Variants in SMYD4 observed in about 807,000 individuals in gnomAD.
SMYD4 encodes SET and MYND domain containing 4.
SMYD4 carries 68 observed loss-of-function variants against 72.8 expected under a neutral mutation model. The ratio of observed to expected loss-of-function variants is 0.93; its 90% confidence interval spans 0.77 to 1.14. SMYD4 has a LOEUF of 1.14. SMYD4 is among the 50% of genes most tolerant of loss of function. The pLI is 0.00. For synonymous variants in SMYD4, 407 were observed against 388.6 expected (o/e 1.05, Z -0.56); for missense variants, 984 against 1,003.7 (o/e 0.98, Z 0.27).
chr17:1,800,889 G>T lies in SMYD4; in HGVS notation c.505C>A (p.Leu169Ile). ...LQEASQTISDLERNFTATPAL... is the reference protein window; with the variant it reads ...LQEASQTISDIERNFTATPAL... ...GGTGTGGCTGTGAAGTTCCTTTCAA[G>T]ATCACTGATGGTCTGGCTTGCCTCC... The change falls in exon 5 of 11, where the codon CTT becomes ATT. Residue 169 changes from leucine (L) to isoleucine (I), a missense_variant. By Grantham distance (5) the Leu-to-Ile change is conservative. Coordinates refer to ENST00000305513, the MANE Select transcript of SMYD4 (RefSeq NM_052928.3). 1 of 1,614,172 alleles carries T rather than the reference G, an allele frequency of 6.2e-7. No homozygotes were observed. The highest frequency in any genetic ancestry group is 8.5e-7 in the Non-Finnish European group (1 of 1,180,034).
intron 9 of SMYD4, 75 bp downstream of exon 9, chr17:1,783,285 A>G: frequency 6.2e-7 from 1 of 1,610,504 alleles, no homozygotes; most frequent in South Asian, 1.1e-5. Flanking sequence ...GTAACCAGGC[A>G]GACAAGGCCG....
intron 4 of SMYD4, among the ~76,000 whole-genome samples, chr17:1,803,614 C>G (rs923685345): frequency 6.6e-6 from 1 of 152,302 alleles, no homozygotes; most frequent in African/African-American, 2.4e-5. Flanking sequence ...ATTCTCCTGC[C>G]TCAGCCTCCT....
In SMYD4 at chr17:1,812,051, C is replaced by T. The variant is rs146451572; in HGVS notation, c.199G>A (p.Ala67Thr). The T allele has an allele frequency of 4.3e-6, 7 of 1,613,948 alleles. No homozygotes were observed. The highest frequency in any genetic ancestry group is 1.3e-5 in the African/African-American group (1 of 74,894). ...CCTTCTTCTCTGTAGAAAAGAGGAG[C>T]GTCCGAGTCCTTTCCCACCAAGTAA... ...KGYLVGKDSD[A>T]PLFYREEGNK... Residue 67 changes from alanine (A) to threonine (T), a missense_variant, in exon 3 of 11, where the codon GCT becomes ACT. Transcript: ENST00000305513.
chr17:1,820,583 C>T (rs189359263), intron 2 of SMYD4, among the ~76,000 whole-genome samples: 1 of 152,182 alleles, frequency 6.6e-6, no homozygotes, highest in East Asian at 1.9e-4. Flanking sequence ...TCTTCGAGCA[C>T]GTCCTTGTTT....
At chr17:1,815,620 T>C (rs1242023520) in intron 2 of SMYD4, among the ~76,000 whole-genome samples, 4 of 147,390 alleles carry the variant, frequency 2.7e-5, no homozygotes, top group Non-Finnish European at 5.9e-5. Flanking sequence ...ATCACACCAC[T>C]GCACTCCAGC....
Position 1,800,869 on chromosome 17 carries a change from G to A in SMYD4, c.525C>T (p.Ala175=), listed in dbSNP as rs1204726288. 6.2e-7 allele frequency: 1 copy of A among 1,614,186 alleles called. No homozygotes were observed. The highest frequency in any genetic ancestry group is 8.5e-7 in the Non-Finnish European group (1 of 1,180,030). The change falls in exon 5 of 11, where the codon GCC becomes GCT. Residue 175 remains alanine, a synonymous_variant. Coordinates refer to ENST00000305513, the MANE Select transcript of SMYD4 (RefSeq NM_052928.3). ...TISDLERNFT[A]TPALADVLPQ... ...GGAGGACATCTGCTAGGGCTGGTGTGGCTGTGAAGTTCCTTTCAAGATCAC... is the reference window on the plus strand; with the variant it reads ...GGAGGACATCTGCTAGGGCTGGTGTAGCTGTGAAGTTCCTTTCAAGATCAC...
rs963213315 is a variant in SMYD4, at chr17:1,799,373, A to AT, written c.1537+483dup. Reference sequence around the variant, plus strand: ...AACTGAGGCAGAACGGAATCAAATAATTTTTTTTTTTTTTGAGATGGAGTC... The same window carrying AT: ...AACTGAGGCAGAACGGAATCAAATAATTTTTTTTTTTTTTTGAGATGGAGTC... On this transcript the variant is annotated intron_variant, in intron 5 of 10. Transcript: ENST00000305513. Among the ~76,000 whole-genome samples, 482 of 145,710 alleles carry AT rather than the reference A, an allele frequency of 3.3e-3. 3 individuals are homozygous for AT. Among genetic ancestry groups the AT allele is most frequent in the South Asian group, 7.4e-3 (34 of 4,564 alleles).
chr17:1,787,424 T>C lies in SMYD4; in HGVS notation c.1718A>G (p.Tyr573Cys), dbSNP rs1021387217. The C allele has an allele frequency of 7.7e-6, 12 of 1,555,182 alleles. No homozygotes were observed. Among genetic ancestry groups the C allele is most frequent in the African/African-American group, 2.7e-5 (2 of 73,444 alleles). Residue 573 changes from tyrosine to cysteine, a missense_variant and splice_region_variant, in exon 6 of 11, where the codon TAT becomes TGT. Tyr to Cys is a radical substitution (Grantham distance 194). Coordinates refer to ENST00000305513, the MANE Select transcript of SMYD4 (RefSeq NM_052928.3). ...IRKGQEILHCYGPHKSRMGVA... is the reference protein window; with the variant it reads ...IRKGQEILHCCGPHKSRMGVA... ...GGCAGTGCGGAGGGATGGCTCACCATAGCAGTGGAGAATCTCTTGCCCCTT... is the reference window on the plus strand; with the variant it reads ...GGCAGTGCGGAGGGATGGCTCACCACAGCAGTGGAGAATCTCTTGCCCCTT...
chr17:1,821,663 G>A (rs1275631419), intron 2 of SMYD4, among the ~76,000 whole-genome samples: 2 of 152,166 alleles, frequency 1.3e-5, no homozygotes, highest in African/African-American at 2.4e-5. Flanking sequence ...GGGCACAGTG[G>A]CTCACACCTG....
rs554241514 is a variant in SMYD4, at chr17:1,785,226, A to T, written c.1885-765T>A. Among the ~76,000 whole-genome samples, 50 of 144,072 alleles carry T rather than the reference A, an allele frequency of 3.5e-4. No individual in the cohort carries two copies. In the South Asian group the frequency reaches 8.2e-3, roughly 24 times the overall value. The allele number at this position is 144,072 out of a possible 152,430, so 94.5% of individuals were successfully genotyped here. On this transcript the variant is annotated intron_variant, in intron 7 of 10. Coordinates refer to ENST00000305513, the MANE Select transcript of SMYD4 (RefSeq NM_052928.3). Reference sequence around the variant, plus strand: ...TCCATGAGGTCAGGAGATCGAGACCATCCTGGCTAACACGGTGAAACCCCG... The same window carrying T: ...TCCATGAGGTCAGGAGATCGAGACCTTCCTGGCTAACACGGTGAAACCCCG...
chr17:1,803,159 C>T (rs1350173076), intron 4 of SMYD4, among the ~76,000 whole-genome samples: 1 of 152,098 alleles, frequency 6.6e-6, no homozygotes, highest in Non-Finnish European at 1.5e-5. Context: ...CAAAACAAAA[C>T]AAAACAAAAA....
At chr17:1,786,680 G>T in intron 7 of SMYD4, 130 bp downstream of exon 7, 1 of 1,075,814 alleles carries the variant, frequency 9.3e-7, no homozygotes, top group South Asian at 1.5e-5. Flanking sequence ...GGGATGACTG[G>T]CTAAAATGGA....
chr17:1,800,081 T>A lies in SMYD4; in HGVS notation c.1313A>T (p.Glu438Val). 1 of 1,612,018 alleles carries A rather than the reference T, an allele frequency of 6.2e-7. No homozygotes were observed. Among genetic ancestry groups the A allele is most frequent in the South Asian group, 1.1e-5 (1 of 90,882 alleles). ...ACAGAGAGCACAGAGGAATTTGTGC[T>A]CTGGGCTATGGTTTTCAGTGTGGGG... is the stretch of plus-strand genomic sequence containing the variant. Reference protein sequence around the residue: ...LLPHTENHSPEHKFLCALCVS... With the variant: ...LLPHTENHSPVHKFLCALCVS... Residue 438 changes from glutamate to valine, a missense_variant, in exon 5 of 11, where the codon GAG becomes GTG. Coordinates refer to ENST00000305513, the MANE Select transcript of SMYD4 (RefSeq NM_052928.3).
At chr17:1,792,935 T>C (rs1909140021) in intron 5 of SMYD4, among the ~76,000 whole-genome samples, 1 of 132,888 alleles carries the variant, frequency 7.5e-6, no homozygotes. Context: ...TTTTTATTTT[T>C]ATCTTGCTAT....
chr17:1,804,003 G>A (rs570813925), intron 4 of SMYD4, among the ~76,000 whole-genome samples: 147 of 151,448 alleles, frequency 9.7e-4, no homozygotes, highest in Non-Finnish European at 1.7e-3. Context: ...AGCCACTGAA[G>A]TAGCTGGGAC....
chr17:1,825,515 T>C (rs554821411), intron 2 of SMYD4, among the ~76,000 whole-genome samples: 44 of 147,930 alleles, frequency 3.0e-4, no homozygotes, highest in South Asian at 8.4e-4. Flanking sequence ...TTCTTTCTTT[T>C]TTTTTTTTTT....
chr17:1,827,962 A>G lies in SMYD4; in HGVS notation c.33T>C (p.Tyr11=), dbSNP rs757894544. 6 of 1,613,456 alleles carry G rather than the reference A, an allele frequency of 3.7e-6. No homozygotes were observed. In the African/African-American group the frequency reaches 5.3e-5, roughly 14 times the overall value. ...GGAGTGAAGCCCACTTTTGAAGCAG[A>G]TATGATTTCCATTCATCCACAGGCA... is the stretch of plus-strand genomic sequence containing the variant. MDLPVDEWKS[Y]LLQKWASLPT... Residue 11 remains tyrosine, a synonymous_variant, in exon 2 of 11, where the codon TAT becomes TAC. Transcript: ENST00000305513.
At chr17:1,788,627 CCCAGCTACTCAGGAGG>C (rs2151221941) in intron 5 of SMYD4, among the ~76,000 whole-genome samples, 1 of 152,062 alleles carries the variant, frequency 6.6e-6, no homozygotes, top group East Asian at 1.9e-4. Context: ...TGCCTGTAGT[CCCAGCTACTCAGGAGG>C]CTGAGGCAGG....
At chr17:1,798,272 AGGCGTACCT>A (rs1909513903) in intron 5 of SMYD4, among the ~76,000 whole-genome samples, 1 of 151,664 alleles carries the variant, frequency 6.6e-6, no homozygotes, top group African/African-American at 2.4e-5. Context: ...CTGGGATTAG[AGGCGTACCT>A]GGCTAATTTT....
Sources: gnomAD v4.1 joint callset for allele counts (sites outside exome capture counted in the v4.1 genomes callset) on GRCh38, gnomAD v4.1.1 for gene constraint, MANE v1.5 for transcripts, NCBI Gene and HGNC (gene_info 2026-07-23, HGNC 2026-07-21) for gene names.